The following GSG1L variants were observed in gnomAD, a reference collection of about 807,000 sequenced individuals.
GSG1L encodes GSG1 like, also known as germ cell-specific gene 1-like protein.
In GSG1L, 24 loss-of-function variants were observed where a neutral mutation model predicts 42.1. The observed-to-expected ratio is 0.57, with a 90% CI of 0.41 to 0.80. The LOEUF is 0.80. Ranked by LOEUF, GSG1L falls within the 30% of genes least tolerant of loss-of-function variation. GSG1L has a pLI of 0.00. For synonymous variants in GSG1L, 215 were observed against 203.5 expected (o/e 1.06, Z -0.48); for missense variants, 445 against 472.2 (o/e 0.94, Z 0.53).
intron 2 of GSG1L, among the ~76,000 whole-genome samples, chr16:27,902,056 C>T: frequency 6.6e-6 from 1 of 152,202 alleles, no homozygotes; most frequent in South Asian, 2.1e-4. Flanking sequence ...ATTGTACTAT[C>T]CCCTCTGCCC....
intron 1 of GSG1L, among the ~76,000 whole-genome samples, chr16:28,044,235 G>A (rs2086139381): frequency 6.6e-6 from 1 of 151,996 alleles, no homozygotes; most frequent in Non-Finnish European, 1.5e-5. Context: ...AAATTAGCCA[G>A]GCATGGTGGC....
chr16:27,936,515 T>C (rs549802169), intron 2 of GSG1L, among the ~76,000 whole-genome samples: 1 of 152,268 alleles, frequency 6.6e-6, no homozygotes, highest in African/African-American at 2.4e-5. Context: ...CTCCTTTGCT[T>C]TCCTCCATGA....
chr16:27,910,535 GGTTT>G (rs1355116363), intron 2 of GSG1L, among the ~76,000 whole-genome samples: 1 of 152,182 alleles, frequency 6.6e-6, no homozygotes, highest in African/African-American at 2.4e-5. Flanking sequence ...GCAAGACCAA[GGTTT>G]GAACCAGGCC....
chr16:27,877,727 G>T (rs1031998613), intron 3 of GSG1L, among the ~76,000 whole-genome samples: 7 of 152,128 alleles, frequency 4.6e-5, no homozygotes, highest in Admixed American at 1.3e-4. Flanking sequence ...CTGGGCCCCA[G>T]CCTTGAAAAT....
chr16:27,931,519 G>A (rs1596622299), intron 2 of GSG1L, among the ~76,000 whole-genome samples: 1 of 152,374 alleles, frequency 6.6e-6, no homozygotes, highest in East Asian at 1.9e-4. Flanking sequence ...GAGGCAATGA[G>A]ATGTCGTTTT....
intron 1 of GSG1L, among the ~76,000 whole-genome samples, chr16:28,061,649 A>G (rs1305242130): frequency 6.6e-6 from 1 of 152,174 alleles, no homozygotes; most frequent in Non-Finnish European, 1.5e-5. Context: ...GTGACATCCT[A>G]TGGGGAGTGG....
At chr16:27,940,089 A>G (rs1183105436) in intron 2 of GSG1L, among the ~76,000 whole-genome samples, 1 of 152,180 alleles carries the variant, frequency 6.6e-6, no homozygotes, top group Non-Finnish European at 1.5e-5. Flanking sequence ...GCAGCCAAAA[A>G]ACACATGAAA....
At chr16:27,875,023 C>A (rs190200496) in intron 3 of GSG1L, among the ~76,000 whole-genome samples, 1 of 152,174 alleles carries the variant, frequency 6.6e-6, no homozygotes, top group Non-Finnish European at 1.5e-5. Flanking sequence ...CAGAATCCCC[C>A]CCTTGTCTTG....
chr16:27,890,997 C>A (rs1299100529), intron 2 of GSG1L, among the ~76,000 whole-genome samples: 1 of 152,196 alleles, frequency 6.6e-6, no homozygotes, highest in Non-Finnish European at 1.5e-5. Flanking sequence ...CACCTGCTGG[C>A]GCCTGTGTCT....
At chr16:28,045,320 G>C (rs543063762) in intron 1 of GSG1L, among the ~76,000 whole-genome samples, 2 of 152,296 alleles carry the variant, frequency 1.3e-5, no homozygotes, top group African/African-American at 4.8e-5. Flanking sequence ...GTGAAGAAAG[G>C]GGGGATATGG....
intron 3 of GSG1L, among the ~76,000 whole-genome samples, chr16:27,870,665 C>A (rs770106304): frequency 1.3e-5 from 2 of 151,532 alleles, no homozygotes; most frequent in Non-Finnish European, 1.5e-5. Flanking sequence ...AAACCTCACA[C>A]GCCCAGAATG....
intron 2 of GSG1L, among the ~76,000 whole-genome samples, chr16:27,938,917 T>C (rs527899116): frequency 2.6e-5 from 4 of 152,190 alleles, no homozygotes; most frequent in Non-Finnish European, 5.9e-5. Flanking sequence ...CTTCTGAATG[T>C]GTTCCAGCCT....
chr16:27,913,042 G>A (rs1390991211), intron 2 of GSG1L, among the ~76,000 whole-genome samples: 1 of 151,862 alleles, frequency 6.6e-6, no homozygotes, highest in Non-Finnish European at 1.5e-5. Context: ...AGGCTGCTCT[G>A]AAACTCCTGG....
At chr16:27,836,426 C>G (rs1403502481) in intron 4 of GSG1L, among the ~76,000 whole-genome samples, 1 of 151,950 alleles carries the variant, frequency 6.6e-6, no homozygotes, top group African/African-American at 2.4e-5. Context: ...AGTTTTCAGC[C>G]ATTATTTCTT....
At chr16:27,854,353 G>C (rs2083549064) in intron 3 of GSG1L, among the ~76,000 whole-genome samples, 1 of 134,518 alleles carries the variant, frequency 7.4e-6, no homozygotes, top group South Asian at 2.9e-4. Flanking sequence ...GACGGAAGGA[G>C]GAGGAGGGGG....
chr16:27,889,594 A>G (rs1458202778), intron 2 of GSG1L, among the ~76,000 whole-genome samples: 1 of 152,036 alleles, frequency 6.6e-6, no homozygotes, highest in Non-Finnish European at 1.5e-5. Flanking sequence ...GGGAACTTAT[A>G]TTTCTCTCTT....
intron 6 of GSG1L, among the ~76,000 whole-genome samples, chr16:27,806,312 C>G (rs1256206018): frequency 6.6e-6 from 1 of 152,220 alleles, no homozygotes. Flanking sequence ...TGGTTCACCA[C>G]TGTCTCCTCC....
intron 3 of GSG1L, among the ~76,000 whole-genome samples, chr16:27,849,132 A>G (rs758328541): frequency 6.6e-6 from 1 of 151,000 alleles, no homozygotes; most frequent in Non-Finnish European, 1.5e-5. Flanking sequence ...GAAGCTGCAG[A>G]AGCTGCAGTG....
rs1454292942 is a variant in GSG1L at position 27,884,215 on chromosome 16, C to T, written c.550+271G>A. On this transcript the variant is annotated intron_variant, in intron 3 of 6. Transcript: ENST00000447459. This position sits in a 1 kb window ranked among gnomAD's most constrained non-coding sequence, Gnocchi z 4.4. The stretch of plus-strand genomic sequence containing the variant: ...CCTGAAGACATCTCAAATTCATCTG[C>T]CTCTCCCTCCCACATGTGTTATGCT... 6.6e-6 allele frequency among the ~76,000 whole-genome samples: 1 copy of T among 152,214 alleles called. No homozygotes were observed. The highest frequency in any genetic ancestry group is 2.4e-5 in the African/African-American group (1 of 41,462).
Sources: gnomAD v4.1 joint callset for allele counts (sites outside exome capture counted in the v4.1 genomes callset) on GRCh38, gnomAD v4.1.1 for gene constraint, Gnocchi (gnomAD v3.1) non-coding constraint, MANE v1.5 for transcripts, NCBI Gene and HGNC (gene_info 2026-07-23, HGNC 2026-07-21) for gene names.